The following PITPNM2 variants were observed in gnomAD, a reference collection of about 807,000 sequenced individuals.
PITPNM2 encodes membrane-associated phosphatidylinositol transfer protein 2.
A neutral mutation model predicts 132.2 loss-of-function variants in PITPNM2; 35 were observed. The ratio of observed to expected loss-of-function variants is 0.26; its 90% confidence interval spans 0.20 to 0.35. The LOEUF is 0.35. PITPNM2 is among the 10% of genes least tolerant of loss of function. The pLI is 1.00. For missense variants in PITPNM2, 1,332 were observed against 1,912.0 expected (o/e 0.70, Z 5.66); for synonymous variants, 738 against 799.2 (o/e 0.92, Z 1.29).
chr12:123,013,193 T>C (rs970880414), intron 4 of PITPNM2, among the ~76,000 whole-genome samples: 1 of 152,192 alleles, frequency 6.6e-6, no homozygotes, highest in Non-Finnish European at 1.5e-5. Context: ...GCTCCGTGGA[T>C]CCCTCAGCAA....
At chr12:123,055,245 A>AG (rs1238881374) in intron 2 of PITPNM2, among the ~76,000 whole-genome samples, 1 of 152,226 alleles carries the variant, frequency 6.6e-6, no homozygotes, top group Non-Finnish European at 1.5e-5. Context: ...AAGACGCTGC[A>AG]GCTGGTTGGA....
rs2038628744 is a variant in PITPNM2, at chr12:123,000,817, G to A, written c.1185C>T (p.Phe395=). The change falls in exon 10 of 26, where the codon TTC becomes TTT. Residue 395 remains phenylalanine (F), a synonymous_variant. Transcript: ENST00000320201. The surrounding 1 kb of genome is among the most constrained non-coding windows in gnomAD (Gnocchi z 5.4). The part of the protein sequence containing the change: ...DGLYRQGAPE[F]RVASSVEQLN... The stretch of plus-strand genomic sequence containing the variant: ...GCTGCTCCACACTGGAGGCCACCCT[G>A]AACTCAGGGGCACCCTGGCGGTACA... 6.2e-7 allele frequency: 1 copy of A among 1,613,920 alleles called. No homozygotes were observed. Among genetic ancestry groups the A allele is most frequent in the Non-Finnish European group, 8.5e-7 (1 of 1,180,044 alleles).
Position 123,077,845 on chromosome 12 carries a change from C to T in PITPNM2, c.-96+32540G>A, listed in dbSNP as rs1256608015. On this transcript the variant is annotated intron_variant, in intron 2 of 25. Coordinates refer to ENST00000320201, the MANE Select transcript of PITPNM2 (RefSeq NM_020845.3). The surrounding 1 kb of genome is among the most constrained non-coding windows in gnomAD (Gnocchi z 4.8). The stretch of plus-strand genomic sequence containing the variant: ...GGGTGGGGGGACAAAGTATCAGAGC[C>T]AGGAGGTGTGCACCACAGGAGCCAG... Among the ~76,000 whole-genome samples the T allele has an allele frequency of 6.6e-6, 1 of 151,978 alleles. No homozygotes were observed. The highest frequency in any genetic ancestry group is 1.5e-5 in the Non-Finnish European group (1 of 67,978).
rs1161727583 is a variant in PITPNM2, at chr12:122,988,284, A to C, written c.2947T>G (p.Ser983Ala). 9 of 1,613,364 alleles carry C rather than the reference A, an allele frequency of 5.6e-6. No individual in the cohort carries two copies. The highest frequency in any genetic ancestry group is 7.6e-6 in the Non-Finnish European group (9 of 1,179,988). ...DGKEVSVFTP[S>A]KPREKWQRKR... is the part of the protein sequence containing the mutation. ...CGCTGCCACTTCTCCCTTGGCTTTG[A>C]GGGGGTGAACACCGACACTTCCTTG... The change falls in exon 20 of 26, where the codon TCA becomes GCA. Residue 983 changes from serine (S) to alanine (A), a missense_variant. Transcript: ENST00000320201.
chr12:123,148,505 C>T (rs1449762348), intron 1 of PITPNM2, among the ~76,000 whole-genome samples: 1 of 152,192 alleles, frequency 6.6e-6, no homozygotes. Flanking sequence ...TATGACTGGT[C>T]TTCTCGAAGA....
At position 122,990,641 on chromosome 12, in the gene PITPNM2, G is replaced by T. The variant is rs759608640; in HGVS notation, c.2473C>A (p.Pro825Thr). ...GCTCGGCGGAAGCCACGACTGGCAGGGGCAGTGCCCGGCGAGGAGGGGGCG... is the reference window on the plus strand; with the variant it reads ...GCTCGGCGGAAGCCACGACTGGCAGTGGCAGTGCCCGGCGAGGAGGGGGCG... ...HGAPSSPGTAPASRGFRRASE... is the reference protein window; with the variant it reads ...HGAPSSPGTATASRGFRRASE... The change falls in exon 17 of 26, where the codon CCT (proline) becomes ACT (threonine). Residue 825 changes from proline (P) to threonine (T), a missense_variant. Around this residue, in one of 6 missense-constraint regions of PITPNM2, gnomAD observed 710 missense variants for 911.5 expected, o/e 0.78. Transcript: ENST00000320201. 6.2e-7 allele frequency: 1 copy of T among 1,612,214 alleles called. No individual in the cohort carries two copies. The highest frequency in any genetic ancestry group is 1.1e-5 in the South Asian group (1 of 91,072).
At chr12:123,142,217 A>G (rs2043520133) in intron 1 of PITPNM2, among the ~76,000 whole-genome samples, 1 of 152,220 alleles carries the variant, frequency 6.6e-6, no homozygotes, top group Non-Finnish European at 1.5e-5. Context: ...GCTGCATACT[A>G]ATGGCAAGAA....
intron 16 of PITPNM2, chr12:122,991,684 T>A: frequency 2.4e-6 from 3 of 1,271,810 alleles, no homozygotes; most frequent in Non-Finnish European, 3.0e-6. Flanking sequence ...AGGGCATGGA[T>A]TGGGGGGTGT....
At chr12:123,061,867 A>C (rs1489128621) in intron 2 of PITPNM2, among the ~76,000 whole-genome samples, 1 of 152,198 alleles carries the variant, frequency 6.6e-6, no homozygotes, top group Admixed American at 6.5e-5. Flanking sequence ...TTCTGGAGGA[A>C]AGACCCAAGA....
chr12:123,005,620 T>C lies in PITPNM2; in HGVS notation c.644-72A>G. On this transcript the variant is annotated intron_variant, in intron 6 of 25. Transcript: ENST00000320201. The surrounding 1 kb of genome is among the most constrained non-coding windows in gnomAD (Gnocchi z 6.2). Reference sequence around the variant, plus strand: ...CAGCGCAGGAGCCTGCACGGAAGTGTGGGGCCCAGGCAGGGGCTTTGGGAG... The same window carrying C: ...CAGCGCAGGAGCCTGCACGGAAGTGCGGGGCCCAGGCAGGGGCTTTGGGAG... 3 of 1,478,784 alleles carry C rather than the reference T, an allele frequency of 2.0e-6. No individual in the cohort carries two copies. Among genetic ancestry groups the C allele is most frequent in the Non-Finnish European group, 2.8e-6 (3 of 1,088,802 alleles). The allele number at this position is 1,478,784 out of a possible 1,614,324, so 91.6% of individuals were successfully genotyped here.
At position 123,097,618 on chromosome 12, in the gene PITPNM2, G is replaced by A. The variant is rs1397871561; in HGVS notation, c.-96+12767C>T. On this transcript the variant is annotated intron_variant, in intron 2 of 25. Coordinates refer to ENST00000320201, the MANE Select transcript of PITPNM2 (RefSeq NM_020845.3). The surrounding 1 kb of genome is among the most constrained non-coding windows in gnomAD (Gnocchi z 4.7). ...TTATTTATAGCCAAGCAGCCTGTCC[G>A]CACGCTCTCCAGTGCAGCCTGCCTC... Among the ~76,000 whole-genome samples the A allele has an allele frequency of 1.3e-5, 2 of 152,172 alleles. No individual in the cohort carries two copies. Among genetic ancestry groups the A allele is most frequent in the African/African-American group, 2.4e-5 (1 of 41,442 alleles).
intron 3 of PITPNM2, among the ~76,000 whole-genome samples, chr12:123,016,231 TAGG>T (rs2039419707): frequency 6.6e-6 from 1 of 151,188 alleles, no homozygotes; most frequent in South Asian, 2.1e-4. Flanking sequence ...GAGGCTGAGG[TAGG>T]AGAATTGCTT....
intron 1 of PITPNM2, among the ~76,000 whole-genome samples, chr12:123,123,164 A>G (rs2043064649): frequency 6.6e-6 from 1 of 152,194 alleles, no homozygotes; most frequent in Non-Finnish European, 1.5e-5. Context: ...TTAACACATG[A>G]TGGTCCACCC....
chr12:123,087,846 T>G (rs2042157533), intron 2 of PITPNM2: 1 of 152,234 alleles, frequency 6.6e-6, no homozygotes, highest in East Asian at 1.9e-4. Context: ...CTCAAACTGC[T>G]AGACTCAAGC....
chr12:123,145,636 G>A (rs2043599257), intron 1 of PITPNM2, among the ~76,000 whole-genome samples: 1 of 152,188 alleles, frequency 6.6e-6, no homozygotes, highest in Non-Finnish European at 1.5e-5. Flanking sequence ...GTTGTCTTGG[G>A]TTTTTGATTT....
chr12:123,026,385 G>A (rs1229331068), intron 3 of PITPNM2, among the ~76,000 whole-genome samples: 1 of 152,270 alleles, frequency 6.6e-6, no homozygotes, highest in Non-Finnish European at 1.5e-5. Flanking sequence ...TTTGGAGGAA[G>A]TGCAGCCCTG....
intron 2 of PITPNM2, among the ~76,000 whole-genome samples, chr12:123,068,462 TAAA>T (rs990130963): frequency 7.1e-5 from 2 of 28,102 alleles, no homozygotes; most frequent in African/African-American, 8.9e-5. Context: ...AAATAATAAA[TAAA>T]TAAATAAATA....
At chr12:122,988,380 G>A (rs1429832679) in intron 19 of PITPNM2, 30 bp from the exon 20 acceptor site, 1 of 1,589,138 alleles carries the variant, frequency 6.3e-7, no homozygotes, top group Non-Finnish European at 8.6e-7. Context: ...CAGGCTGTGG[G>A]GCAGATGCCA....
At chr12:123,089,635 C>T (rs1422280454) in intron 2 of PITPNM2, 1 of 152,184 alleles carries the variant, frequency 6.6e-6, no homozygotes, top group African/African-American at 2.4e-5. Flanking sequence ...CTCGAATACC[C>T]ATGCTTCATC....
Sources: allele counts gnomAD v4.1 joint callset (sites outside exome capture counted in the v4.1 genomes callset), GRCh38; gene constraint gnomAD v4.1.1; regional missense constraint gnomAD v4.1.1; non-coding constraint Gnocchi (gnomAD v3.1); transcripts MANE v1.5; gene names NCBI Gene and HGNC (gene_info 2026-07-23, HGNC 2026-07-21).